URI1: variants seen among roughly 807,000 people sequenced by gnomAD.
URI1 encodes the protein unconventional prefoldin RPB5 interactor 1.
A neutral mutation model predicts 60.2 loss-of-function variants in URI1; 39 were observed. The observed-to-expected ratio is 0.65, with a 90% confidence interval of 0.50 to 0.85. The LOEUF is 0.85. URI1 is among the 40% of genes least tolerant of loss of function. The pLI is 0.00. For synonymous variants in URI1, 251 were observed against 236.8 expected (o/e 1.06, Z -0.55); for missense variants, 691 against 665.9 (o/e 1.04, Z -0.42).
intron 1 of URI1, among the ~76,000 whole-genome samples, chr19:29,930,475 T>A (rs2054906918): frequency 6.6e-6 from 1 of 152,142 alleles, no homozygotes; most frequent in African/African-American, 2.4e-5. Flanking sequence ...TTCATTCTTT[T>A]GCATGTGGAT....
At chr19:29,994,423 AT>A (rs1294577353) in intron 4 of URI1, among the ~76,000 whole-genome samples, 2 of 150,632 alleles carry the variant, frequency 1.3e-5, no homozygotes, top group Non-Finnish European at 3.0e-5. Flanking sequence ...ATAACTCCCC[AT>A]TTTTTCCTTC....
At chr19:29,984,319 C>T (rs1568430695) in intron 2 of URI1, among the ~76,000 whole-genome samples, 1 of 152,130 alleles carries the variant, frequency 6.6e-6, no homozygotes, top group Non-Finnish European at 1.5e-5. Flanking sequence ...GTCTCAGCTA[C>T]TCAGGAGGCT....
chr19:29,936,161 T>C (rs1167813406), intron 1 of URI1, among the ~76,000 whole-genome samples: 1 of 152,108 alleles, frequency 6.6e-6, no homozygotes, highest in Non-Finnish European at 1.5e-5. Context: ...TGGAGTGCAG[T>C]GGTGCAATCT....
upstream of URI1, among the ~76,000 whole-genome samples, chr19:29,938,226 G>A (rs1025353947): frequency 6.6e-6 from 1 of 152,112 alleles, no homozygotes; most frequent in Non-Finnish European, 1.5e-5. Flanking sequence ...CAAGCATGTG[G>A]CACCAACACC....
intron 1 of URI1, among the ~76,000 whole-genome samples, chr19:29,954,373 T>C (rs760082938): frequency 6.6e-6 from 1 of 152,220 alleles, no homozygotes; most frequent in Non-Finnish European, 1.5e-5. Flanking sequence ...TTGTTTTTTA[T>C]CTTTTTCACT....
At chr19:29,955,089 G>A (rs1285882258) in intron 1 of URI1, among the ~76,000 whole-genome samples, 1 of 150,584 alleles carries the variant, frequency 6.6e-6, no homozygotes, top group Non-Finnish European at 1.5e-5. Flanking sequence ...CGCCTCCCGG[G>A]TTCATGCTAT....
intron 4 of URI1, among the ~76,000 whole-genome samples, chr19:29,995,964 C>T (rs59334788): frequency 0.021 from 3,150 of 151,912 alleles, 104 homozygotes; most frequent in African/African-American, 0.071. Flanking sequence ...TTTTTTGGTC[C>T]GTAAGTCTGT....
chr19:29,991,456 C>A, intron 4 of URI1, among the ~76,000 whole-genome samples: 3 of 152,218 alleles, frequency 2.0e-5, no homozygotes, highest in Admixed American at 2.0e-4. Flanking sequence ...ACATTGTATC[C>A]TCCATTCATG....
At chr19:29,969,482 T>C (rs551710185) in intron 1 of URI1, among the ~76,000 whole-genome samples, 1 of 152,342 alleles carries the variant, frequency 6.6e-6, no homozygotes, top group Non-Finnish European at 1.5e-5. Flanking sequence ...CCGTCACTAA[T>C]GGATATAGCT....
At chr19:30,010,625 A>AT (rs1409011206) in intron 8 of URI1, among the ~76,000 whole-genome samples, 1 of 152,088 alleles carries the variant, frequency 6.6e-6, no homozygotes, top group Non-Finnish European at 1.5e-5. Context: ...CTTGGTTTTT[A>AT]TTTTTTTACT....
At chr19:29,970,307 T>C (rs2055443622) in intron 1 of URI1, among the ~76,000 whole-genome samples, 1 of 151,944 alleles carries the variant, frequency 6.6e-6, no homozygotes, top group Admixed American at 6.6e-5. Flanking sequence ...ATCCCCTAGT[T>C]TCTCTGTCTC....
intron 1 of URI1, among the ~76,000 whole-genome samples, chr19:29,946,152 TTAAC>T (rs575359361): frequency 2.2e-3 from 337 of 152,324 alleles, no homozygotes; most frequent in South Asian, 3.5e-3. Context: ...TTTTTTGTCT[TTAAC>T]TAAATCTGTT....
chr19:29,930,659 A>G (rs1398317949), intron 1 of URI1, among the ~76,000 whole-genome samples: 1 of 151,986 alleles, frequency 6.6e-6, no homozygotes, highest in African/African-American at 2.4e-5. Flanking sequence ...ATTCTAGCCT[A>G]TTGGACTATA....
intron 1 of URI1, among the ~76,000 whole-genome samples, chr19:29,963,422 T>TAACCAAA (rs1365879910): frequency 4.2e-4 from 64 of 152,306 alleles, no homozygotes; most frequent in African/African-American, 1.5e-3. Flanking sequence ...TCTTCAGTTG[T>TAACCAAA]ACAATTTTCA....
chr19:29,941,868 A>C (rs1432052761), upstream of URI1, among the ~76,000 whole-genome samples: 1 of 152,154 alleles, frequency 6.6e-6, no homozygotes, highest in Non-Finnish European at 1.5e-5. Context: ...ACATGAATTA[A>C]GCTCCTAGAT....
chr19:29,926,562 A>G (rs1251848625), intron 1 of URI1, among the ~76,000 whole-genome samples: 3 of 152,178 alleles, frequency 2.0e-5, no homozygotes, highest in African/African-American at 7.2e-5. Context: ...GATTGCAGGC[A>G]TGAGCCACCT....
At chr19:30,006,314 CTTA>C (rs765679663) in intron 6 of URI1, among the ~76,000 whole-genome samples, 1 of 152,008 alleles carries the variant, frequency 6.6e-6, no homozygotes, top group African/African-American at 2.4e-5. Context: ...TTACAGATGG[CTTA>C]TTATTTGCTA....
chr19:29,952,346 G>A (rs2055190463), intron 1 of URI1, among the ~76,000 whole-genome samples: 1 of 152,210 alleles, frequency 6.6e-6, no homozygotes, highest in African/African-American at 2.4e-5. Flanking sequence ...GCATCATGAA[G>A]TCTTTCCTGT....
In URI1 at chr19:29,942,355, A is replaced by ATC. The variant is rs1429869314; in HGVS notation, c.-193_-192insTC. On this transcript the variant is annotated 5_prime_UTR_variant, in exon 1 of 11. Transcript: ENST00000392271. Reference sequence around the variant, plus strand: ...CCGCTGCGGGGCGGCGGCGGCGGGGACATGCACGTGTGAGATGCGGCAGCG... The same window carrying ATC: ...CCGCTGCGGGGCGGCGGCGGCGGGGATCCATGCACGTGTGAGATGCGGCAGCG... 2 of 984,628 alleles carry ATC rather than the reference A, an allele frequency of 2.0e-6. No individual in the cohort carries two copies. The highest frequency in any genetic ancestry group is 3.5e-5 in the African/African-American group (2 of 56,974). 61.0% of individuals were successfully genotyped at this position (984,628 alleles called of 1,614,324 possible). A position where few individuals can be genotyped will look rare whatever the true frequency, so the allele number is the denominator to read the frequency against.
Sources: allele counts gnomAD v4.1 joint callset (sites outside exome capture counted in the v4.1 genomes callset), GRCh38; gene constraint gnomAD v4.1.1; transcripts MANE v1.5; gene names NCBI Gene and HGNC (gene_info 2026-07-23, HGNC 2026-07-21).